CAMK2B: variants seen among roughly 807,000 people sequenced by gnomAD.
CAMK2B encodes calcium/calmodulin-dependent protein kinase type II subunit beta.
CAMK2B carries 27 observed loss-of-function variants against 93.7 expected under a neutral mutation model. The observed-to-expected ratio is 0.29, with a 90% CI of 0.21 to 0.40. The LOEUF (loss-of-function observed/expected upper bound fraction) is 0.40, where lower values mean the gene tolerates loss of function less well. CAMK2B is among the 10% of genes least tolerant of loss of function. CAMK2B has a pLI of 1.00. For missense variants in CAMK2B, 568 were observed against 895.8 expected (o/e 0.63, Z 4.67); for synonymous variants, 374 against 358.8 (o/e 1.04, Z -0.48).
At chr7:44,252,270 GGCTGACTCTCAA>G (rs1192628939) in intron 5 of CAMK2B, among the ~76,000 whole-genome samples, 2 of 151,978 alleles carry the variant, frequency 1.3e-5, no homozygotes, top group African/African-American at 4.8e-5. Context: ...ATTCTGGGCA[GGCTGACTCTCAA>G]GCTGACCCCC....
rs1256790439 is a variant in CAMK2B, at chr7:44,311,225, G to C, written c.65+14132C>G. On this transcript the variant is annotated intron_variant, in intron 1 of 23. Coordinates refer to ENST00000395749, the MANE Select transcript of CAMK2B (RefSeq NM_001220.5). The surrounding 1 kb of genome is among the most constrained non-coding windows in gnomAD (Gnocchi z 4.2). ...TGAGTAGCTGGGATTACAGGCACAT[G>C]CCACCACGCCTGGCACATTTTTGTA... Among the ~76,000 whole-genome samples the C allele has an allele frequency of 2.6e-5, 4 of 152,094 alleles. No homozygotes were observed. The East Asian group carries it at 7.7e-4, about 29-fold the overall frequency.
intron 2 of CAMK2B, 111 bp from the exon 3 acceptor site, chr7:44,263,175 G>A (rs922243212): frequency 3.1e-6 from 3 of 971,362 alleles, no homozygotes; most frequent in South Asian, 3.2e-5. Context: ...CTGACGAGAG[G>A]AGTGGTTGTG....
intron 11 of CAMK2B, among the ~76,000 whole-genome samples, chr7:44,241,099 C>T (rs1446262239): frequency 6.6e-6 from 1 of 152,176 alleles, no homozygotes; most frequent in Non-Finnish European, 1.5e-5. Context: ...CTGACAGGCT[C>T]AGACAGGGCA....
intron 2 of CAMK2B, among the ~76,000 whole-genome samples, chr7:44,279,230 G>A (rs2097081094): frequency 6.6e-6 from 1 of 152,220 alleles, no homozygotes; most frequent in Non-Finnish European, 1.5e-5. Flanking sequence ...GGGCCCAGAT[G>A]GAACAAGACT....
intron 13 of CAMK2B, among the ~76,000 whole-genome samples, chr7:44,236,268 G>A (rs73691433): frequency 1.8e-3 from 279 of 152,232 alleles, no homozygotes; most frequent in African/African-American, 6.2e-3. Context: ...GGGCTCTGTG[G>A]GGACTGGGGT....
intron 19 of CAMK2B, 37 bp downstream of exon 19, chr7:44,228,759 G>A (rs777621741): frequency 1.1e-4 from 165 of 1,435,182 alleles, no homozygotes; most frequent in Admixed American, 6.2e-4. Flanking sequence ...GGAGCTGTCC[G>A]GCAGCAGAGG....
chr7:44,240,735 G>A lies in CAMK2B; in HGVS notation c.918C>T (p.Thr306=). 7 of 1,613,982 alleles carry A rather than the reference G, an allele frequency of 4.3e-6. No individual in the cohort carries two copies. The highest frequency in any genetic ancestry group is 5.9e-6 in the Non-Finnish European group (7 of 1,179,954). The change falls in exon 12 of 24, where the codon ACC becomes ACT. Residue 306 remains threonine (T), a synonymous_variant. Coordinates refer to ENST00000395749, the MANE Select transcript of CAMK2B (RefSeq NM_001220.5). ...AGAAATTCCGTGTGGCCAGCATGGT[G>A]GTGAGGATGGCTCCCTGGGGAGAGA... is the stretch of plus-strand genomic sequence containing the variant. ...ARRKLKGAIL[T]TMLATRNFSV... is the part of the protein sequence containing the mutation.
At chr7:44,230,151 TG>T (rs1457392739) in intron 17 of CAMK2B, 2 of 152,280 alleles carry the variant, frequency 1.3e-5, no homozygotes, top group African/African-American at 4.8e-5. Context: ...CTGTTGCCTT[TG>T]GGGCCTGTTC....
chr7:44,325,074 CT>C (rs1797159614), intron 1 of CAMK2B: 1 of 151,022 alleles, frequency 6.6e-6, no homozygotes, highest in African/African-American at 2.4e-5. Context: ...CCGGGGACAC[CT>C]GCTGCCGCCC....
rs1171913471 is a variant in CAMK2B at position 44,296,027 on chromosome 7, T to C, written c.66-11802A>G. ...ACTGAAGGCCAGTTCACCACATCGC[T>C]TTTACCCGGTACATCATGTCCAGCT... On this transcript the variant is annotated intron_variant, in intron 1 of 23. Transcript: ENST00000395749. Among the ~76,000 whole-genome samples, 6 of 152,098 alleles carry C rather than the reference T, an allele frequency of 3.9e-5. 2 individuals carry two copies. The South Asian group carries it at 1.2e-3, about 32-fold the overall frequency.
chr7:44,245,723 T>G (rs961258771), intron 6 of CAMK2B, among the ~76,000 whole-genome samples: 1 of 151,564 alleles, frequency 6.6e-6, no homozygotes, highest in Admixed American at 6.6e-5. Flanking sequence ...GTGTAAAGGG[T>G]ATAGGAGAGG....
chr7:44,223,524 A>G (rs1159387666), intron 20 of CAMK2B, among the ~76,000 whole-genome samples: 1 of 152,094 alleles, frequency 6.6e-6, no homozygotes, highest in East Asian at 1.9e-4. Flanking sequence ...CTCTGTCCCA[A>G]CACATGCTGT....
chr7:44,288,655 CTT>C (rs1785815377), intron 1 of CAMK2B, among the ~76,000 whole-genome samples: 1 of 152,294 alleles, frequency 6.6e-6, no homozygotes, highest in East Asian at 1.9e-4. Context: ...AGAAAATACT[CTT>C]TGAGTCCTTG....
intron 6 of CAMK2B, chr7:44,245,062 CCA>C (rs2096717355): frequency 2.3e-6 from 1 of 438,672 alleles, no homozygotes; most frequent in Admixed American, 2.4e-5. Context: ...CTGCATTTCT[CCA>C]CCCAGCCCAG....
chr7:44,263,074 A>G lies in CAMK2B; in HGVS notation c.161-10T>C, dbSNP rs1400586449. On this transcript the variant is annotated splice_polypyrimidine_tract_variant and intron_variant, in intron 2 of 23. Transcript: ENST00000395749. ...TCCAGCTTCTGGTGATCTGGGGGAC[A>G]GGAAAAACAAGGCGTCACCTCCTGC... The G allele has an allele frequency of 2.2e-5, 35 of 1,612,980 alleles. No individual in the cohort carries two copies. Among genetic ancestry groups the G allele is most frequent in the Non-Finnish European group, 2.9e-5 (34 of 1,179,460 alleles).
intron 6 of CAMK2B, chr7:44,244,791 G>A (rs1162807962): frequency 5.9e-6 from 2 of 337,996 alleles, no homozygotes; most frequent in South Asian, 2.1e-5. Flanking sequence ...GAGCTTCCTC[G>A]AAAGCTCCAG....
In CAMK2B at chr7:44,225,424, C is replaced by T. The variant is rs564127772; in HGVS notation, c.1597+1092G>A. Among the ~76,000 whole-genome samples the T allele has an allele frequency of 1.3e-5, 2 of 152,086 alleles. No individual in the cohort carries two copies. The highest frequency in any genetic ancestry group is 1.3e-4 in the Admixed American group (2 of 15,278). On this transcript the variant is annotated intron_variant, in intron 20 of 23. Coordinates refer to ENST00000395749, the MANE Select transcript of CAMK2B (RefSeq NM_001220.5). The surrounding 1 kb of genome is among the most constrained non-coding windows in gnomAD (Gnocchi z 5.0). ...CATGCCTCCCTCCTTGAGTTCTGGT[C>T]GCCCAGGCACCCCGACCCTATCAGC...
chr7:44,241,251 G>A (rs1017569021), intron 11 of CAMK2B, among the ~76,000 whole-genome samples: 1 of 152,160 alleles, frequency 6.6e-6, no homozygotes, highest in Non-Finnish European at 1.5e-5. Context: ...CAGGCAGGTT[G>A]GATACCCTAC....
intron 12 of CAMK2B, among the ~76,000 whole-genome samples, chr7:44,240,293 G>A (rs1431667150): frequency 6.6e-6 from 1 of 152,178 alleles, no homozygotes; most frequent in Non-Finnish European, 1.5e-5. Flanking sequence ...TTGGAAGGAG[G>A]CCCCCGAGCC....
Sources: allele counts gnomAD v4.1 joint callset (sites outside exome capture counted in the v4.1 genomes callset), GRCh38; gene constraint gnomAD v4.1.1; non-coding constraint Gnocchi (gnomAD v3.1); transcripts MANE v1.5; gene names NCBI Gene and HGNC (gene_info 2026-07-23, HGNC 2026-07-21).